Variants in RLF observed in about 807,000 individuals in gnomAD.
RLF encodes the protein RLF zinc finger, also known as zinc finger protein Rlf.
Under a neutral mutation model 162.9 loss-of-function variants are expected in RLF, and 7 were observed. The observed-to-expected ratio is 0.04, with a 90% confidence interval of 0.02 to 0.08. The LOEUF is 0.08. RLF is among the 10% of genes least tolerant of loss of function. The probability of loss-of-function intolerance (pLI) is 1.00; values close to 1 mark genes in which losing one functional copy is unlikely to be tolerated. For missense variants in RLF, 1,664 were observed against 2,244.7 expected, an observed-to-expected ratio of 0.74 and a Z score of 5.23; for synonymous variants, 782 against 791.5, an observed-to-expected ratio of 0.99 and a Z score of 0.20.
At chr1:40,232,072 G>A (rs1643158280) in intron 7 of RLF, among the ~76,000 whole-genome samples, 2 of 152,122 alleles carry the variant, frequency 1.3e-5, no homozygotes, top group Admixed American at 6.5e-5. Flanking sequence ...GCCGGGCATG[G>A]TGGCGGGCGC....
intron 5 of RLF, among the ~76,000 whole-genome samples, chr1:40,207,454 C>A (rs1021106189): frequency 6.6e-6 from 1 of 151,856 alleles, no homozygotes; most frequent in African/African-American, 2.4e-5. Context: ...AAATAAGAAC[C>A]AAGATGAAAC....
intron 5 of RLF, among the ~76,000 whole-genome samples, chr1:40,220,809 G>C (rs1642981746): frequency 6.6e-6 from 1 of 152,040 alleles, no homozygotes; most frequent in Non-Finnish European, 1.5e-5. Flanking sequence ...TAGCTGGAGA[G>C]CCATAGTGAA....
At chr1:40,213,059 G>C (rs1317053258) in intron 5 of RLF, among the ~76,000 whole-genome samples, 2 of 152,178 alleles carry the variant, frequency 1.3e-5, no homozygotes, top group Admixed American at 6.5e-5. Context: ...TATTTTGAAA[G>C]TCTTAATACT....
intron 1 of RLF, among the ~76,000 whole-genome samples, chr1:40,175,414 G>C (rs1053170004): frequency 6.6e-6 from 1 of 152,054 alleles, no homozygotes; most frequent in Admixed American, 6.6e-5. Flanking sequence ...ACTTTGGGAG[G>C]CCTAGGCAGG....
At chr1:40,173,908 AGCCATTGGGATGTGT>A (rs1029753608) in intron 1 of RLF, among the ~76,000 whole-genome samples, 1 of 152,208 alleles carries the variant, frequency 6.6e-6, no homozygotes, top group African/African-American at 2.4e-5. Context: ...CCTAACCTGA[AGCCATTGGGATGTGT>A]GATACACTTT....
At chr1:40,170,966 T>C (rs1642236259) in intron 1 of RLF, among the ~76,000 whole-genome samples, 1 of 152,140 alleles carries the variant, frequency 6.6e-6, no homozygotes, top group African/African-American at 2.4e-5. Flanking sequence ...GTAGTAGTAT[T>C]TGGATCTAGC....
chr1:40,207,012 C>A (rs995147892), intron 5 of RLF, among the ~76,000 whole-genome samples: 1 of 152,142 alleles, frequency 6.6e-6, no homozygotes, highest in African/African-American at 2.4e-5. Context: ...TTTAAAATGA[C>A]CCCTATCACT....
chr1:40,210,554 T>TA (rs1391917452), intron 5 of RLF, among the ~76,000 whole-genome samples: 1 of 152,208 alleles, frequency 6.6e-6, no homozygotes, highest in African/African-American at 2.4e-5. Flanking sequence ...TCCATTGCAT[T>TA]AATGGTTAGA....
At position 40,237,193 on chromosome 1, in the gene RLF, A is replaced by G. The variant is rs746719574; in HGVS notation, c.2491A>G (p.Asn831Asp). 3.1e-6 allele frequency: 5 copies of G among 1,614,008 alleles called. No individual in the cohort carries two copies. The highest frequency in any genetic ancestry group is 1.3e-5 in the African/African-American group (1 of 75,032). Residue 831 changes from asparagine to aspartate, a missense_variant, in exon 8 of 8, where the codon AAT becomes GAT. Asn to Asp is a conservative substitution (Grantham distance 23). This residue lies in a region of RLF where 295 missense variants were observed against 317.4 expected (regional missense o/e 0.93). Coordinates refer to ENST00000372771, the MANE Select transcript of RLF (RefSeq NM_012421.4). This position sits in a 1 kb window ranked among gnomAD's most constrained non-coding sequence, Gnocchi z 4.4. ...HLSMHNVENS[N>D]GDIKKSVKLE... The stretch of plus-strand genomic sequence containing the variant: ...CTCAATGCATAATGTTGAAAATTCA[A>G]ATGGAGACATAAAGAAATCAGTGAA...
At position 40,195,810 on chromosome 1, in the gene RLF, T is replaced by C. The variant is rs372754923; in HGVS notation, c.607+46T>C. 6 of 1,561,510 alleles carry C rather than the reference T, an allele frequency of 3.8e-6. No homozygotes were observed. In the East Asian group the frequency reaches 6.9e-5, roughly 18 times the overall value. ...GGATGAGGATTTAGTTCTGAGAACG[T>C]TGGAATTGATTATGGGTTAAAATTT... On this transcript the variant is annotated intron_variant, in intron 4 of 7. Transcript: ENST00000372771.
chr1:40,179,272 C>T (rs1250453582), intron 1 of RLF, among the ~76,000 whole-genome samples: 2 of 152,194 alleles, frequency 1.3e-5, no homozygotes, highest in Non-Finnish European at 2.9e-5. Flanking sequence ...GAAACTGTAG[C>T]CAGAATGCCT....
rs182407716 is a variant in RLF at position 40,165,787 on chromosome 1, C to G, written c.237+4151C>G. ...CCTAAAATACCTCAATTCCTCCCCC[C>G]CCTCCGCCAAAGGAAAGATAAAGTT... On this transcript the variant is annotated intron_variant, in intron 1 of 7. Transcript: ENST00000372771. Among the ~76,000 whole-genome samples, 63 of 152,204 alleles carry G rather than the reference C, an allele frequency of 4.1e-4. No homozygotes were observed. The East Asian group carries it at 9.4e-3, about 23-fold the overall frequency.
intron 6 of RLF, among the ~76,000 whole-genome samples, chr1:40,226,104 A>T (rs544633869): frequency 6.6e-6 from 1 of 152,160 alleles, no homozygotes; most frequent in Non-Finnish European, 1.5e-5. Context: ...AACGGTTTTT[A>T]TTATTTTAGA....
intron 5 of RLF, among the ~76,000 whole-genome samples, chr1:40,208,111 G>C (rs1400160853): frequency 6.6e-6 from 1 of 152,170 alleles, no homozygotes; most frequent in Non-Finnish European, 1.5e-5. Flanking sequence ...ACTGTGGCCT[G>C]GTCTTTGAGA....
chr1:40,215,329 A>G (rs1642912147), intron 5 of RLF, among the ~76,000 whole-genome samples: 1 of 152,204 alleles, frequency 6.6e-6, no homozygotes, highest in Admixed American at 6.5e-5. Flanking sequence ...GCAGCTAAAT[A>G]TACATTCTTC....
rs1037003735 is a variant in RLF, at chr1:40,200,972, T to TACACACAC, written c.608-1435_608-1428dup. ...TCCTTAGTATAAACCATTGCTACTC[T>TACACACAC]ACACACACACACCCCAGTGGTTTAT... On this transcript the variant is annotated intron_variant, in intron 4 of 7. Coordinates refer to ENST00000372771, the MANE Select transcript of RLF (RefSeq NM_012421.4). Among the ~76,000 whole-genome samples the TACACACAC allele has an allele frequency of 3.0e-5, 3 of 98,946 alleles. 1 individual carries two copies. The highest frequency in any genetic ancestry group is 1.3e-4 in the African/African-American group (3 of 22,906). The allele number at this position is 98,946 out of a possible 152,430, so 64.9% of individuals were successfully genotyped here.
chr1:40,227,348 TA>T (rs1309540392), intron 6 of RLF, among the ~76,000 whole-genome samples: 2 of 152,158 alleles, frequency 1.3e-5, no homozygotes, highest in Non-Finnish European at 2.9e-5. Context: ...TGGCTTTGTT[TA>T]AAAAAGTCAC....
chr1:40,212,636 G>C (rs61781772), intron 5 of RLF, among the ~76,000 whole-genome samples: 7,918 of 152,238 alleles, frequency 0.052, 602 homozygotes, highest in African/African-American at 0.17. Context: ...AGTTAAGGCA[G>C]GGGTCCGTTT....
At chr1:40,183,323 A>T (rs1171149715) in intron 1 of RLF, among the ~76,000 whole-genome samples, 1 of 152,228 alleles carries the variant, frequency 6.6e-6, no homozygotes, top group East Asian at 1.9e-4. Flanking sequence ...TCTCTATTAG[A>T]AAACACATAA....
Sources: allele counts gnomAD v4.1 joint callset (sites outside exome capture counted in the v4.1 genomes callset), GRCh38; gene constraint gnomAD v4.1.1; regional missense constraint gnomAD v4.1.1; non-coding constraint Gnocchi (gnomAD v3.1); transcripts MANE v1.5; gene names NCBI Gene and HGNC (gene_info 2026-07-23, HGNC 2026-07-21).